Variants in MYBPC1 observed in about 807,000 individuals in gnomAD.
MYBPC1 encodes myosin-binding protein C, slow-type.
A neutral mutation model predicts 147.1 loss-of-function variants in MYBPC1; 52 were observed. That is an observed-to-expected ratio of 0.35 (90% CI 0.28 to 0.45). The LOEUF (loss-of-function observed/expected upper bound fraction) is 0.45, where lower values mean the gene tolerates loss of function less well. Among genes scored for constraint, MYBPC1 ranks in the 20% least tolerant of loss-of-function variants. MYBPC1 has a pLI of 1.00. For synonymous variants in MYBPC1, 477 were observed against 475.9 expected, an observed-to-expected ratio of 1.00 and a Z score of -0.03; for missense variants, 1,228 against 1,440.3, an observed-to-expected ratio of 0.85 and a Z score of 2.39.
chr12:101,595,662 A>G (rs1018580463), intron 1 of MYBPC1, among the ~76,000 whole-genome samples: 1 of 152,134 alleles, frequency 6.6e-6, no homozygotes. Context: ...CTTGCATGGA[A>G]AGAAAACCAA....
intron 23 of MYBPC1, chr12:101,670,094 C>A (rs1305852440): frequency 1.7e-6 from 1 of 595,540 alleles, no homozygotes; most frequent in Non-Finnish European, 3.0e-6. Flanking sequence ...TTTGCTGAGT[C>A]AAACTGTTAA....
rs889449521 is a variant in MYBPC1, at chr12:101,614,634, C to T, written c.61+103C>T. ...GGTGCTGTGAGCTGTGAGCTTTAACCTAACTCCTACTGAGAAGTTGGATGG... is the reference window on the plus strand; with the variant it reads ...GGTGCTGTGAGCTGTGAGCTTTAACTTAACTCCTACTGAGAAGTTGGATGG... On this transcript the variant is annotated intron_variant, in intron 2 of 31. Transcript: ENST00000361466. 8.7e-6 allele frequency: 10 copies of T among 1,147,894 alleles called. No individual in the cohort carries two copies. In the Admixed American group the frequency reaches 1.4e-4, roughly 16 times the overall value. 71.1% of individuals were successfully genotyped at this position (1,147,894 alleles called of 1,614,324 possible). A position where few individuals can be genotyped will look rare whatever the true frequency, so the allele number is the denominator to read the frequency against.
intron 1 of MYBPC1, among the ~76,000 whole-genome samples, chr12:101,612,878 G>A (rs1403520259): frequency 6.6e-6 from 1 of 152,202 alleles, no homozygotes; most frequent in Non-Finnish European, 1.5e-5. Flanking sequence ...TTTGGTTGAC[G>A]ATAACCCTAG....
intron 28 of MYBPC1, 38 bp from the exon 29 acceptor site, chr12:101,680,305 A>G: frequency 6.3e-7 from 1 of 1,586,242 alleles, no homozygotes; most frequent in Non-Finnish European, 8.6e-7. Context: ...CCAATTACAG[A>G]TATGTTTTGA....
At chr12:101,651,146 G>A in intron 15 of MYBPC1, 85 bp from the exon 16 acceptor site, 1 of 1,397,376 alleles carries the variant, frequency 7.2e-7, no homozygotes, top group Non-Finnish European at 1.0e-6. Flanking sequence ...TTGTAGTAGA[G>A]CTCACTATAC....
At chr12:101,629,397 C>G in intron 5 of MYBPC1, 37 bp from the exon 6 acceptor site, 1 of 1,390,924 alleles carries the variant, frequency 7.2e-7, no homozygotes, top group Non-Finnish European at 1.0e-6. Flanking sequence ...AAGAGCCTGG[C>G]CCTGAAATAA....
the MYBPC1 span, among the ~76,000 whole-genome samples, chr12:101,692,237 T>C: frequency 6.6e-6 from 1 of 152,178 alleles, no homozygotes; most frequent in African/African-American, 2.4e-5. Context: ...ATCAAAGGCT[T>C]CTGAACAAGG....
At chr12:101,637,319 A>G (rs1299467461) in intron 10 of MYBPC1, among the ~76,000 whole-genome samples, 2 of 152,130 alleles carry the variant, frequency 1.3e-5, no homozygotes, top group African/African-American at 2.4e-5. Flanking sequence ...GTATCATCAC[A>G]CACTGACACT....
chr12:101,631,657 G>C lies in MYBPC1; in HGVS notation c.376G>C (p.Asp126His), dbSNP rs1170393605. The C allele has an allele frequency of 6.2e-7, 1 of 1,614,192 alleles. No homozygotes were observed. Among genetic ancestry groups the C allele is most frequent in the Admixed American group, 1.7e-5 (1 of 60,032 alleles). ...TIKWFKGKWM[D>H]LASKAGKHLQ... ...CAAATGGTTCAAAGGAAAATGGATG[G>C]ACCTGGCCAGCAAAGCCGGGAAGCA... is the stretch of plus-strand genomic sequence containing the variant. Residue 126 changes from aspartate to histidine, a missense_variant, in exon 7 of 32, where the codon GAC becomes CAC. Physicochemically the swap from Asp to His is moderately conservative, Grantham distance 81. This residue lies in a region of MYBPC1 where 1,077 missense variants were observed against 1,314.2 expected (regional missense o/e 0.82). Transcript: ENST00000361466.
rs80098597 is a variant in MYBPC1 at position 101,629,992 on chromosome 12, A to G, written c.289+448A>G. On this transcript the variant is annotated intron_variant, in intron 6 of 31. Transcript: ENST00000361466. ...ACAGCCACTACTTCTATCTATTTCT[A>G]AAACATTTTCATCACCCCAAAAAGA... Among the ~76,000 whole-genome samples the G allele has an allele frequency of 4.7e-3, 721 of 152,274 alleles. 5 individuals carry two copies. The highest frequency in any genetic ancestry group is 8.4e-3 in the Non-Finnish European group (568 of 68,018).
the MYBPC1 span, among the ~76,000 whole-genome samples, chr12:101,691,858 C>A: frequency 1.2e-4 from 18 of 151,288 alleles, 1 homozygote; most frequent in African/African-American, 4.2e-4. Context: ...TGGTCTGACA[C>A]TCTATGACCT....
chr12:101,604,963 AG>A (rs1403703766), intron 1 of MYBPC1, among the ~76,000 whole-genome samples: 6 of 152,180 alleles, frequency 3.9e-5, no homozygotes, highest in Non-Finnish European at 8.8e-5. Context: ...CAGCCCCTTA[AG>A]TGACCTCCTT....
At chr12:101,601,917 T>C (rs1170149483) in intron 1 of MYBPC1, among the ~76,000 whole-genome samples, 2 of 152,244 alleles carry the variant, frequency 1.3e-5, no homozygotes, top group Non-Finnish European at 2.9e-5. Context: ...CCTTTTTAAT[T>C]CTACATTTTG....
intron 3 of MYBPC1, among the ~76,000 whole-genome samples, chr12:101,621,308 A>G (rs1480029810): frequency 6.6e-6 from 1 of 152,232 alleles, no homozygotes; most frequent in Non-Finnish European, 1.5e-5. Flanking sequence ...ATTAGGCAAG[A>G]TTGATTTAAT....
intron 1 of MYBPC1, among the ~76,000 whole-genome samples, chr12:101,605,284 T>TTGAC (rs1881706997): frequency 6.6e-6 from 1 of 152,224 alleles, no homozygotes; most frequent in Admixed American, 6.5e-5. Context: ...GGTTTTTATT[T>TTGAC]TGACTGATTC....
chr12:101,600,378 G>A (rs1010857425), intron 1 of MYBPC1: 4 of 151,166 alleles, frequency 2.6e-5, no homozygotes, highest in African/African-American at 9.7e-5. Flanking sequence ...AAGTATCCCC[G>A]AATCAAACAT....
At chr12:101,658,867 A>T (rs1296396605) in intron 18 of MYBPC1, among the ~76,000 whole-genome samples, 1 of 152,182 alleles carries the variant, frequency 6.6e-6, no homozygotes, top group Non-Finnish European at 1.5e-5. Context: ...AAAAGAGTAG[A>T]GAGTTTACCT....
At chr12:101,645,759 C>T (rs1892965101) in intron 12 of MYBPC1, among the ~76,000 whole-genome samples, 1 of 152,166 alleles carries the variant, frequency 6.6e-6, no homozygotes, top group Non-Finnish European at 1.5e-5. Context: ...CTATTTTAAT[C>T]CCATCATGTG....
chr12:101,616,549 C>A (rs1166238350), intron 2 of MYBPC1, among the ~76,000 whole-genome samples: 1 of 152,104 alleles, frequency 6.6e-6, no homozygotes, highest in Non-Finnish European at 1.5e-5. Flanking sequence ...TGAAACAATT[C>A]TTTTCTTACT....
Sources: gnomAD v4.1 joint callset for allele counts (sites outside exome capture counted in the v4.1 genomes callset) on GRCh38, gnomAD v4.1.1 for gene constraint, gnomAD v4.1.1 regional missense constraint, MANE v1.5 for transcripts, NCBI Gene and HGNC (gene_info 2026-07-23, HGNC 2026-07-21) for gene names.